GRID1: variants seen among roughly 807,000 people sequenced by gnomAD.
GRID1 encodes glutamate ionotropic receptor delta type subunit 1.
In GRID1, 28 loss-of-function variants were observed where a neutral mutation model predicts 98.0. That is an observed-to-expected ratio of 0.29 (90% CI 0.21 to 0.39). The LOEUF (loss-of-function observed/expected upper bound fraction) is 0.39. Among genes scored for constraint, GRID1 ranks in the 10% least tolerant of loss-of-function variants. GRID1 has a pLI of 1.00. For synonymous variants in GRID1, 553 were observed against 538.5 expected (o/e 1.03, Z -0.37); for missense variants, 1,111 against 1,340.5 (o/e 0.83, Z 2.67).
intron 4 of GRID1, among the ~76,000 whole-genome samples, chr10:85,961,407 GC>G (rs1260756389): frequency 6.6e-6 from 1 of 152,008 alleles, no homozygotes; most frequent in Non-Finnish European, 1.5e-5. Flanking sequence ...GCACAGTGAA[GC>G]CCAGACCAGT....
chr10:85,728,323 C>A lies in GRID1; in HGVS notation c.1336-271G>T, dbSNP rs181686688. Among the ~76,000 whole-genome samples the A allele has an allele frequency of 1.5e-3, 231 of 152,240 alleles. 5 individuals are homozygous for A. The highest frequency in any genetic ancestry group is 0.014 in the Admixed American group (215 of 15,298). On this transcript the variant is annotated intron_variant, in intron 9 of 15. Transcript: ENST00000327946. ...CCAGGCTCTGCCCCAACCCCTAGTT[C>A]CCTGAATAACATGGTTTGTTTTCCT...
chr10:86,263,560 C>T (rs1316864269), intron 2 of GRID1, among the ~76,000 whole-genome samples: 1 of 152,228 alleles, frequency 6.6e-6, no homozygotes, highest in Non-Finnish European at 1.5e-5. Flanking sequence ...GGCCAAACCC[C>T]GTCCTAGACC....
intron 8 of GRID1, among the ~76,000 whole-genome samples, chr10:85,760,118 T>A (rs1000420862): frequency 6.6e-5 from 10 of 152,328 alleles, no homozygotes; most frequent in African/African-American, 2.4e-4. Flanking sequence ...AGTAGCACCC[T>A]ATTTTACCTC....
At chr10:86,276,281 C>T (rs1349493685) in intron 2 of GRID1, among the ~76,000 whole-genome samples, 2 of 152,146 alleles carry the variant, frequency 1.3e-5, no homozygotes, top group Non-Finnish European at 2.9e-5. Flanking sequence ...ACACAATCTT[C>T]CCTCTATATA....
At chr10:85,614,399 TGCCAAGGA>T in intron 14 of GRID1, among the ~76,000 whole-genome samples, 1 of 152,204 alleles carries the variant, frequency 6.6e-6, no homozygotes, top group Non-Finnish European at 1.5e-5. Context: ...CATGTTCTAG[TGCCAAGGA>T]GTATCCTCCA....
intron 13 of GRID1, among the ~76,000 whole-genome samples, chr10:85,626,976 T>C (rs1462914426): frequency 6.6e-6 from 1 of 152,202 alleles, no homozygotes; most frequent in Non-Finnish European, 1.5e-5. Context: ...TTTCAAAAAA[T>C]GTTTGCATAG....
rs191049540 is a variant in GRID1 at position 85,602,086 on chromosome 10, A to T, written c.*187T>A. 1.1e-5 allele frequency: 5 copies of T among 446,376 alleles called. No homozygotes were observed. Among genetic ancestry groups the T allele is most frequent in the Admixed American group, 7.6e-5 (2 of 26,358 alleles). 27.7% of individuals were successfully genotyped at this position (446,376 alleles called of 1,614,324 possible). ...TTTTTACTGACTTCGAAAATTGGGA[A>T]TATTCAAAATACACTTTTACCCCAC... On this transcript the variant is annotated 3_prime_UTR_variant, in exon 16 of 16. Coordinates refer to ENST00000327946, the MANE Select transcript of GRID1 (RefSeq NM_017551.3).
intron 3 of GRID1, among the ~76,000 whole-genome samples, chr10:86,191,842 T>C (rs2132008958): frequency 6.6e-6 from 1 of 152,272 alleles, no homozygotes; most frequent in East Asian, 1.9e-4. Context: ...TAGTTCCTCA[T>C]GTTAAATCCC....
rs868504185 is a variant in GRID1, at chr10:86,161,939, G to A, written c.521-22915C>T. On this transcript the variant is annotated intron_variant, in intron 3 of 15. Transcript: ENST00000327946. ...GAGAAGGCAGAAAAACAAGTGTGTTGTATTTTGTACAAATTTCCGATTGTC... is the reference window on the plus strand; with the variant it reads ...GAGAAGGCAGAAAAACAAGTGTGTTATATTTTGTACAAATTTCCGATTGTC... Among the ~76,000 whole-genome samples, 31 of 152,268 alleles carry A rather than the reference G, an allele frequency of 2.0e-4. No homozygotes were observed. The Middle Eastern group carries it at 0.014, about 67-fold the overall frequency.
chr10:86,360,099 C>T (rs780091304), intron 2 of GRID1, among the ~76,000 whole-genome samples: 11 of 152,128 alleles, frequency 7.2e-5, no homozygotes, highest in Non-Finnish European at 1.2e-4. Context: ...CCAACATATC[C>T]AGGCCGAGTT....
intron 8 of GRID1, among the ~76,000 whole-genome samples, chr10:85,822,374 T>A (rs113274726): frequency 0.054 from 8,270 of 151,858 alleles, 415 homozygotes; most frequent in African/African-American, 0.13. Flanking sequence ...AAAAGTGGGC[T>A]AAGGATATGA....
At chr10:86,272,975 A>C (rs1424371723) in intron 2 of GRID1, among the ~76,000 whole-genome samples, 1 of 152,156 alleles carries the variant, frequency 6.6e-6, no homozygotes, top group African/African-American at 2.4e-5. Flanking sequence ...GGTTAGCTAC[A>C]TATGTATACA....
intron 12 of GRID1, among the ~76,000 whole-genome samples, chr10:85,721,777 T>G (rs1012276975): frequency 2.6e-5 from 4 of 152,160 alleles, no homozygotes; most frequent in Non-Finnish European, 5.9e-5. Flanking sequence ...TGTTCAGTAT[T>G]TTTACTGTGG....
chr10:86,132,949 G>A (rs1470454272), intron 4 of GRID1, among the ~76,000 whole-genome samples: 2 of 152,190 alleles, frequency 1.3e-5, no homozygotes, highest in African/African-American at 2.4e-5. Context: ...TGGATGAAAA[G>A]TGACATCTTG....
chr10:85,943,466 T>A (rs968009657), intron 4 of GRID1, among the ~76,000 whole-genome samples: 1 of 152,202 alleles, frequency 6.6e-6, no homozygotes, highest in Non-Finnish European at 1.5e-5. Context: ...AGCCAGATCA[T>A]CTTTAATATA....
intron 2 of GRID1, among the ~76,000 whole-genome samples, chr10:86,238,560 C>T (rs1564715559): frequency 1.3e-5 from 2 of 150,432 alleles, no homozygotes; most frequent in Non-Finnish European, 2.9e-5. Context: ...GTCCCAGCTA[C>T]TTGGGAGGCT....
chr10:86,246,355 G>C (rs971869288), intron 2 of GRID1, among the ~76,000 whole-genome samples: 11 of 152,302 alleles, frequency 7.2e-5, no homozygotes, highest in African/African-American at 1.9e-4. Flanking sequence ...TCGCTCTCCC[G>C]TGGCCTCTCT....
At position 86,110,233 on chromosome 10, in the gene GRID1, C is replaced by T. The variant is rs565317340; in HGVS notation, c.726+28586G>A. On this transcript the variant is annotated intron_variant, in intron 4 of 15. Coordinates refer to ENST00000327946, the MANE Select transcript of GRID1 (RefSeq NM_017551.3). ...AGGTGATCCACCTGCCTCGGCCTCC[C>T]AAAGTGTTGGGATTACAGGCATGAG... is the stretch of plus-strand genomic sequence containing the variant. 1.2e-4 allele frequency among the ~76,000 whole-genome samples: 19 copies of T among 152,266 alleles called. No individual in the cohort carries two copies. The South Asian group carries it at 3.9e-3, about 32-fold the overall frequency.
chr10:85,610,748 A>C (rs946652572), intron 15 of GRID1, among the ~76,000 whole-genome samples: 1 of 152,208 alleles, frequency 6.6e-6, no homozygotes, highest in African/African-American at 2.4e-5. Flanking sequence ...CCAGGTCTCT[A>C]TAGGCAGGCT....
Sources: allele counts gnomAD v4.1 joint callset (sites outside exome capture counted in the v4.1 genomes callset), GRCh38; gene constraint gnomAD v4.1.1; transcripts MANE v1.5; gene names NCBI Gene and HGNC (gene_info 2026-07-23, HGNC 2026-07-21).